ATF7IP2: variants seen among roughly 807,000 people sequenced by gnomAD.
The protein encoded by ATF7IP2 is activating transcription factor 7-interacting protein 2.
Under a neutral mutation model 64.2 loss-of-function variants are expected in ATF7IP2, and 42 were observed. The ratio of observed to expected loss-of-function variants is 0.65; its 90% CI spans 0.51 to 0.85. ATF7IP2 has a LOEUF of 0.85. Ranked by LOEUF, ATF7IP2 falls within the 40% of genes least tolerant of loss-of-function variation. The pLI is 0.00. For missense variants in ATF7IP2, 933 were observed against 784.2 expected (o/e 1.19, Z -2.27); for synonymous variants, 308 against 272.8 (o/e 1.13, Z -1.27).
intron 8 of ATF7IP2, 184 bp from the exon 9 acceptor site, chr16:10,457,188 G>T (rs141705149): frequency 1.6e-5 from 8 of 515,582 alleles, no homozygotes; most frequent in African/African-American, 1.4e-4. Flanking sequence ...TTATTTCTTC[G>T]GAGTTTTTAA....
At chr16:10,479,325 A>G (rs2050128663) in intron 12 of ATF7IP2, among the ~76,000 whole-genome samples, 1 of 152,214 alleles carries the variant, frequency 6.6e-6, no homozygotes, top group Admixed American at 6.5e-5. Context: ...GCAGCCATAA[A>G]AAATGATGAG....
chr16:10,455,271 A>G (rs991566300), intron 8 of ATF7IP2, among the ~76,000 whole-genome samples: 1 of 152,204 alleles, frequency 6.6e-6, no homozygotes, highest in Non-Finnish European at 1.5e-5. Context: ...TTTAATCAAA[A>G]GGGTTCTTAC....
intron 3 of ATF7IP2, among the ~76,000 whole-genome samples, chr16:10,428,366 C>G (rs957899567): frequency 6.6e-6 from 1 of 152,268 alleles, no homozygotes; most frequent in East Asian, 1.9e-4. Flanking sequence ...GGGCCTTTTC[C>G]AAAGGCCCTT....
chr16:10,447,275 C>CT (rs1434793780), intron 8 of ATF7IP2: 2 of 152,256 alleles, frequency 1.3e-5, no homozygotes, highest in Non-Finnish European at 2.9e-5. Flanking sequence ...TAGTCCTTGT[C>CT]TTCTCGCGTT....
At chr16:10,423,262 A>T (rs772196443) in intron 3 of ATF7IP2, among the ~76,000 whole-genome samples, 9 of 152,250 alleles carry the variant, frequency 5.9e-5, no homozygotes, top group East Asian at 1.9e-4. Flanking sequence ...ATAAATAAAT[A>T]AATTTATTTA....
chr16:10,473,376 T>C (rs2049878930), intron 10 of ATF7IP2, 103 bp from the exon 11 acceptor site: 2 of 736,822 alleles, frequency 2.7e-6, no homozygotes, highest in Admixed American at 4.8e-5. Context: ...CACTGTATAA[T>C]TAACAGCTAA....
intron 9 of ATF7IP2, among the ~76,000 whole-genome samples, chr16:10,471,652 T>C (rs1321912656): frequency 1.3e-5 from 2 of 152,206 alleles, no homozygotes; most frequent in African/African-American, 4.8e-5. Context: ...ACTGGAGAGA[T>C]AAAATGAAGA....
chr16:10,463,640 G>GC (rs2049448668), intron 9 of ATF7IP2, among the ~76,000 whole-genome samples: 1 of 152,148 alleles, frequency 6.6e-6, no homozygotes, highest in South Asian at 2.1e-4. Flanking sequence ...CATCCTGACT[G>GC]CAACCTCATG....
chr16:10,456,090 G>A (rs750496287), intron 8 of ATF7IP2, among the ~76,000 whole-genome samples: 9 of 151,764 alleles, frequency 5.9e-5, no homozygotes, highest in Non-Finnish European at 1.2e-4. Context: ...ATCAATTCTC[G>A]TGCCTTAGCC....
At chr16:10,427,548 AATAATC>A (rs945535698) in intron 3 of ATF7IP2, among the ~76,000 whole-genome samples, 2 of 152,198 alleles carry the variant, frequency 1.3e-5, no homozygotes, top group African/African-American at 4.8e-5. Context: ...TTGAGACAGA[AATAATC>A]AGAATAGCAT....
rs752984844 is a variant in ATF7IP2, at chr16:10,430,925, T to C, written c.305T>C (p.Ile102Thr). 1.2e-5 allele frequency: 19 copies of C among 1,613,890 alleles called. No homozygotes were observed. In the South Asian group the frequency reaches 2.0e-4, roughly 17 times the overall value. The change falls in exon 5 of 14, where the codon ATT (isoleucine) becomes ACT (threonine). Residue 102 changes from isoleucine (I) to threonine (T), a missense_variant. Transcript: ENST00000562102. Reference sequence around the variant, plus strand: ...AATTGCATAAAACCAGTAGAAGAAATTGTTCATTCAGAAACAAAATTGGAA... The same window carrying C: ...AATTGCATAAAACCAGTAGAAGAAACTGTTCATTCAGAAACAAAATTGGAA... ...SQNCIKPVEE[I>T]VHSETKLEQV...
intron 4 of ATF7IP2, among the ~76,000 whole-genome samples, 157 bp downstream of exon 4, chr16:10,429,173 GGAAA>G (rs2048161326): frequency 6.6e-6 from 1 of 152,042 alleles, no homozygotes; most frequent in Non-Finnish European, 1.5e-5. Context: ...CCATGCTAGA[GGAAA>G]GATTTGATTT....
Position 10,440,353 on chromosome 16 carries a change from T to C in ATF7IP2, c.1096-11T>C. On this transcript the variant is annotated splice_polypyrimidine_tract_variant and intron_variant, in intron 7 of 13. Transcript: ENST00000562102. ...TGGCTTAGTATTTATTTTTTTCTCT[T>C]TTTCTTCTAGGCAAAAATAGCAAAA... The C allele has an allele frequency of 2.1e-6, 3 of 1,432,378 alleles. No homozygotes were observed. The highest frequency in any genetic ancestry group is 2.9e-6 in the Non-Finnish European group (3 of 1,050,650). 88.7% of individuals were successfully genotyped at this position (1,432,378 alleles called of 1,614,324 possible).
chr16:10,397,316 T>C (rs2047439388), intron 1 of ATF7IP2, among the ~76,000 whole-genome samples: 1 of 152,246 alleles, frequency 6.6e-6, no homozygotes, highest in Non-Finnish European at 1.5e-5. Flanking sequence ...TGGACTCTTC[T>C]GTGGTACCAC....
At chr16:10,425,741 A>G (rs941253482) in intron 3 of ATF7IP2, among the ~76,000 whole-genome samples, 15 of 152,064 alleles carry the variant, frequency 9.9e-5, no homozygotes, top group African/African-American at 3.6e-4. Flanking sequence ...TAAAAATACA[A>G]AATTAGCCAG....
chr16:10,389,199 A>G (rs1641261935), intron 1 of ATF7IP2, among the ~76,000 whole-genome samples: 1 of 152,186 alleles, frequency 6.6e-6, no homozygotes, highest in Non-Finnish European at 1.5e-5. Context: ...TTCAGTTGAT[A>G]TCTCCAGGAA....
intron 3 of ATF7IP2, among the ~76,000 whole-genome samples, chr16:10,422,776 ATCC>A (rs1389043576): frequency 6.6e-6 from 1 of 152,052 alleles, no homozygotes; most frequent in Non-Finnish European, 1.5e-5. Context: ...GTGCTTCCAA[ATCC>A]TCCTGTTCGT....
chr16:10,407,126 A>G (rs543142846), intron 1 of ATF7IP2, among the ~76,000 whole-genome samples: 1 of 152,326 alleles, frequency 6.6e-6, no homozygotes, highest in East Asian at 1.9e-4. Context: ...AAGGACAAAA[A>G]TATGGTCATT....
At chr16:10,389,859 A>C (rs1315114466) in intron 1 of ATF7IP2, among the ~76,000 whole-genome samples, 1 of 152,240 alleles carries the variant, frequency 6.6e-6, no homozygotes, top group Non-Finnish European at 1.5e-5. Context: ...CTTCATGGTC[A>C]TTATGAGATT....
Sources: gnomAD v4.1 joint callset for allele counts (sites outside exome capture counted in the v4.1 genomes callset) on GRCh38, gnomAD v4.1.1 for gene constraint, MANE v1.5 for transcripts, NCBI Gene and HGNC (gene_info 2026-07-23, HGNC 2026-07-21) for gene names.